Variants in FTCD observed in about 807,000 individuals in gnomAD.
FTCD encodes the protein formimidoyltransferase cyclodeaminase.
A neutral mutation model predicts 62.9 loss-of-function variants in FTCD; 76 were observed. The ratio of observed to expected loss-of-function variants is 1.21; its 90% CI spans 1.00 to 1.46. The LOEUF (loss-of-function observed/expected upper bound fraction) is 1.46. Ranked by LOEUF, FTCD falls within the 40% of genes most tolerant of loss-of-function variation. FTCD has a pLI of 0.00. For missense variants in FTCD, 845 were observed against 751.3 expected (o/e 1.12, Z -1.46); for synonymous variants, 397 against 336.9 (o/e 1.18, Z -1.95).
At chr21:46,137,671 C>G (rs921652579) in intron 12 of FTCD, among the ~76,000 whole-genome samples, 4 of 152,218 alleles carry the variant, frequency 2.6e-5, no homozygotes, top group African/African-American at 4.8e-5. Flanking sequence ...AACGGCCCGC[C>G]CACTGCCCAG....
At chr21:46,142,250 G>A (rs1358531991) in intron 10 of FTCD, 1 of 152,390 alleles carries the variant, frequency 6.6e-6, no homozygotes, top group African/African-American at 2.4e-5. Flanking sequence ...CCTGACTTCA[G>A]GAGTGAAGCC....
intron 1 of FTCD, among the ~76,000 whole-genome samples, 159 bp from the exon 2 acceptor site, chr21:46,154,491 G>C (rs954774440): frequency 6.6e-6 from 1 of 152,158 alleles, no homozygotes; most frequent in South Asian, 2.1e-4. Context: ...GAAAGTGCCC[G>C]CACACAGCGG....
intron 7 of FTCD, among the ~76,000 whole-genome samples, chr21:46,148,400 G>A (rs933833120): frequency 6.6e-6 from 1 of 152,152 alleles, no homozygotes; most frequent in African/African-American, 2.4e-5. Flanking sequence ...TGACGTGAGT[G>A]GATTGCTTGA....
rs781124332 is a variant in FTCD, at chr21:46,146,326, A to G, written c.908T>C (p.Val303Ala). ...GGAGTCCAGGCCCAGCCGGCTCACC[A>G]CCTGGAAAAGGGGCTTGGAGTGGAA... ...ILEEEQRIRL[V>A]VSRLGLDSLC... The change falls in exon 8 of 14, where the codon GTG (valine) becomes GCG (alanine). Residue 303 changes from valine (V) to alanine (A), a missense_variant and splice_region_variant. Coordinates refer to ENST00000397746, the MANE Select transcript of FTCD (RefSeq NM_206965.2). The G allele has an allele frequency of 1.9e-5, 30 of 1,598,794 alleles. No individual in the cohort carries two copies. Among genetic ancestry groups the G allele is most frequent in the South Asian group, 4.5e-5 (4 of 88,792 alleles).
At chr21:46,152,068 G>T (rs2079300267) in intron 3 of FTCD, 88 bp from the exon 4 acceptor site, 1 of 913,552 alleles carries the variant, frequency 1.1e-6, no homozygotes, top group Non-Finnish European at 1.7e-6. Flanking sequence ...GCTCCCTCCA[G>T]CCTAACCCAG....
intron 4 of FTCD, 66 bp from the exon 5 acceptor site, chr21:46,151,803 G>T: frequency 6.3e-7 from 1 of 1,593,322 alleles, no homozygotes; most frequent in Non-Finnish European, 8.6e-7. Flanking sequence ...CGGGGTCCCG[G>T]GAAGGAGGGG....
rs60149988 is a variant in FTCD at position 46,147,619 on chromosome 21, C to T, written c.907-1292G>A. Reference sequence around the variant, plus strand: ...GGCACAGCCAGACCTGTGCAGGCCGCAGGCATGGGGCCCTTCAGGTAAAGA... The same window carrying T: ...GGCACAGCCAGACCTGTGCAGGCCGTAGGCATGGGGCCCTTCAGGTAAAGA... On this transcript the variant is annotated intron_variant, in intron 7 of 13. Coordinates refer to ENST00000397746, the MANE Select transcript of FTCD (RefSeq NM_206965.2). Among the ~76,000 whole-genome samples, 1,264 of 152,228 alleles carry T rather than the reference C, an allele frequency of 8.3e-3. 16 individuals are homozygous for T. The highest frequency in any genetic ancestry group is 0.029 in the African/African-American group (1,209 of 41,516).
intron 10 of FTCD, chr21:46,142,175 A>G (rs1379903188): frequency 1.3e-5 from 2 of 152,272 alleles, no homozygotes; most frequent in African/African-American, 4.8e-5. Flanking sequence ...GTGTGTCCGG[A>G]ATTGGTTCCT....
chr21:46,155,110 G>A (rs1601359559), intron 1 of FTCD, among the ~76,000 whole-genome samples: 1 of 152,326 alleles, frequency 6.6e-6, no homozygotes, highest in South Asian at 2.1e-4. Context: ...GGGCCACCTC[G>A]TGTGGCCTCA....
In FTCD at chr21:46,137,139, C is replaced by T. The variant is rs540063953; in HGVS notation, c.1540-66G>A. 2.2e-5 allele frequency: 35 copies of T among 1,601,464 alleles called. No homozygotes were observed. In the Middle Eastern group the frequency reaches 5.0e-4, roughly 23 times the overall value. On this transcript the variant is annotated intron_variant, in intron 13 of 13. Transcript: ENST00000397746. ...TTCAGCCCAGCTTGCTGGGCAGCAA[C>T]CTCCGACCCCCACTGCCCACAGCCA... is the stretch of plus-strand genomic sequence containing the variant.
In FTCD at chr21:46,146,172, A is replaced by T. The variant is rs536442589; in HGVS notation, c.968+94T>A. The stretch of plus-strand genomic sequence containing the variant: ...CCAAAGGGAGGCGCTGGGAGGACTC[A>T]GCCGGGTCTCCACGCAGGGACCCCA... On this transcript the variant is annotated intron_variant, in intron 8 of 13. Transcript: ENST00000397746. The T allele has an allele frequency of 1.7e-4, 160 of 931,342 alleles. No individual in the cohort carries two copies. The East Asian group carries it at 3.9e-3, about 23-fold the overall frequency. 57.7% of individuals were successfully genotyped at this position (931,342 alleles called of 1,614,324 possible).
At chr21:46,139,162 G>A (rs962406753) in intron 10 of FTCD, 4 of 588,472 alleles carry the variant, frequency 6.8e-6, no homozygotes, top group Non-Finnish European at 1.2e-5. Context: ...GTGAGAAGCA[G>A]GTAGTTCCCT....
intron 10 of FTCD, chr21:46,142,741 C>T (rs2079049892): frequency 6.6e-6 from 1 of 152,234 alleles, no homozygotes; most frequent in Non-Finnish European, 1.5e-5. Context: ...CTTTTATGCC[C>T]TTATTTGGCC....
intron 5 of FTCD, 69 bp downstream of exon 5, chr21:46,151,489 A>T: frequency 7.1e-7 from 1 of 1,413,564 alleles, no homozygotes; most frequent in Non-Finnish European, 9.9e-7. Context: ...TCCCCGCCTG[A>T]GGCTCTCAGC....
intron 10 of FTCD, among the ~76,000 whole-genome samples, chr21:46,141,599 T>C (rs1017356199): frequency 3.3e-5 from 5 of 151,990 alleles, no homozygotes; most frequent in Admixed American, 6.6e-5. Flanking sequence ...AAAGTCAGGA[T>C]TGACACATTC....
In FTCD at chr21:46,151,540, G is replaced by C; in HGVS notation, c.636+18C>G. Reference sequence around the variant, plus strand: ...GAGGGGCTGGGTGGGGCTCCATGGGGTCAGTGAACGGGGTCACCTGGTCCT... The same window carrying C: ...GAGGGGCTGGGTGGGGCTCCATGGGCTCAGTGAACGGGGTCACCTGGTCCT... On this transcript the variant is annotated intron_variant, in intron 5 of 13. Coordinates refer to ENST00000397746, the MANE Select transcript of FTCD (RefSeq NM_206965.2). 6.2e-7 allele frequency: 1 copy of C among 1,606,616 alleles called. No homozygotes were observed. The highest frequency in any genetic ancestry group is 1.1e-5 in the South Asian group (1 of 90,976).
rs964725965 is a variant in FTCD at position 46,137,080 on chromosome 21, G to A, written c.1540-7C>T. On this transcript the variant is annotated splice_polypyrimidine_tract_variant and splice_region_variant and intron_variant, in intron 13 of 13. Transcript: ENST00000397746. ...TGGAAACACGATGGTGGATCTGATG[G>A]ACACAGGGAAAGAGGGGTCTGGTAG... 1.9e-6 allele frequency: 3 copies of A among 1,613,666 alleles called. No individual in the cohort carries two copies. Among genetic ancestry groups the A allele is most frequent in the Admixed American group, 1.7e-5 (1 of 60,010 alleles).
intron 10 of FTCD, among the ~76,000 whole-genome samples, chr21:46,143,248 C>CA (rs2079059241): frequency 6.6e-6 from 1 of 152,064 alleles, no homozygotes; most frequent in South Asian, 2.1e-4. Flanking sequence ...CAGGCGCCCC[C>CA]ACCGCCCTGC....
intron 3 of FTCD, 60 bp downstream of exon 3, chr21:46,152,847 G>A (rs1601350263): frequency 1.5e-6 from 2 of 1,320,596 alleles, no homozygotes; most frequent in Non-Finnish European, 2.1e-6. Flanking sequence ...TACAGAAGGA[G>A]CCAATAACCC....
Sources: gnomAD v4.1 joint callset for allele counts (sites outside exome capture counted in the v4.1 genomes callset) on GRCh38, gnomAD v4.1.1 for gene constraint, MANE v1.5 for transcripts, NCBI Gene and HGNC (gene_info 2026-07-23, HGNC 2026-07-21) for gene names.